UCN3: variants seen among roughly 807,000 people sequenced by gnomAD.
UCN3 encodes urocortin 3, also known as urocortin-3.
UCN3 carries 3 observed loss-of-function variants against 3.6 expected under a neutral mutation model. That is an observed-to-expected ratio of 0.83 (90% CI 0.38 to 2.15). The LOEUF is 2.15. Ranked by LOEUF, UCN3 falls within the 30% of genes most tolerant of loss-of-function variation. The probability of loss-of-function intolerance (pLI) is 0.06; values close to 1 mark genes in which losing one functional copy is unlikely to be tolerated. For synonymous variants in UCN3, 100 were observed against 93.2 expected (o/e 1.07, Z -0.42); for missense variants, 206 against 208.3 (o/e 0.99, Z 0.07).
At chr10:5,369,797 G>A (rs1247649458) in intron 1 of UCN3, among the ~76,000 whole-genome samples, 1 of 152,176 alleles carries the variant, frequency 6.6e-6, no homozygotes, top group Non-Finnish European at 1.5e-5. Flanking sequence ...CAGCTGCAAT[G>A]TGGAGAACCA....
rs1834109045 is a variant in UCN3 at position 5,365,584 on chromosome 10, T to TG, written c.-7+358dup. Reference sequence around the variant, plus strand: ...CTCGGAGACAGTTTACAAATGGGGATGGGGTAGGGATGCCGGGGCTAATGG... The same window carrying TG: ...CTCGGAGACAGTTTACAAATGGGGATGGGGGTAGGGATGCCGGGGCTAATGG... On this transcript the variant is annotated intron_variant, in intron 1 of 1. Coordinates refer to ENST00000380433, the MANE Select transcript of UCN3 (RefSeq NM_053049.4). The surrounding 1 kb of genome is among the most constrained non-coding windows in gnomAD (Gnocchi z 4.4). Among the ~76,000 whole-genome samples the TG allele has an allele frequency of 6.6e-6, 1 of 152,178 alleles. No individual in the cohort carries two copies. Among genetic ancestry groups the TG allele is most frequent in the Non-Finnish European group, 1.5e-5 (1 of 67,990 alleles).
At chr10:5,372,140 G>T (rs2119112041) in intron 1 of UCN3, among the ~76,000 whole-genome samples, 1 of 152,326 alleles carries the variant, frequency 6.6e-6, no homozygotes, top group East Asian at 1.9e-4. Flanking sequence ...GGACAACAAT[G>T]AATAAATAAA....
chr10:5,370,744 GTA>G lies in UCN3; in HGVS notation c.-6-2967_-6-2966del, dbSNP rs782238372. On this transcript the variant is annotated intron_variant, in intron 1 of 1. Coordinates refer to ENST00000380433, the MANE Select transcript of UCN3 (RefSeq NM_053049.4). Reference sequence around the variant, plus strand: ...TGTATATGCGTGTGTATATGTGTGTGTATATGATGTGTGTGTATATGCGTGTG... The same window carrying G: ...TGTATATGCGTGTGTATATGTGTGTGTATGATGTGTGTGTATATGCGTGTG... Among the ~76,000 whole-genome samples the G allele has an allele frequency of 9.7e-3, 1,172 of 120,256 alleles. 53 individuals carry two copies. The highest frequency in any genetic ancestry group is 0.013 in the Non-Finnish European group (800 of 60,450). 78.9% of individuals were successfully genotyped at this position (120,256 alleles called of 152,430 possible). A position where few individuals can be genotyped will look rare whatever the true frequency, so the allele number is the denominator to read the frequency against.
rs1292836901 is a variant in UCN3 at position 5,366,963 on chromosome 10, G to T, written c.-7+1733G>T. Among the ~76,000 whole-genome samples the T allele has an allele frequency of 6.6e-6, 1 of 152,124 alleles. No homozygotes were observed. The highest frequency in any genetic ancestry group is 2.4e-5 in the African/African-American group (1 of 41,414). ...TCCACACCTTCAGCACCCTAGCCGT[G>T]ATTACAGTATTCTTCTCTGATGGTA... On this transcript the variant is annotated intron_variant, in intron 1 of 1. Transcript: ENST00000380433. The surrounding 1 kb of genome is among the most constrained non-coding windows in gnomAD (Gnocchi z 4.2).
rs1456290021 is a variant in UCN3 at position 5,365,750 on chromosome 10, T to C, written c.-7+520T>C. ...TGTGAAGCAGGTAACGTCTCCTTCC[T>C]AGGACGCGGCAAGTGAAATGCAGGT... is the stretch of plus-strand genomic sequence containing the variant. On this transcript the variant is annotated intron_variant, in intron 1 of 1. Transcript: ENST00000380433. The surrounding 1 kb of genome is among the most constrained non-coding windows in gnomAD (Gnocchi z 4.4). 6.6e-6 allele frequency among the ~76,000 whole-genome samples: 1 copy of C among 152,144 alleles called. No individual in the cohort carries two copies. The highest frequency in any genetic ancestry group is 1.5e-5 in the Non-Finnish European group (1 of 68,030).
In UCN3 at chr10:5,365,197, G is replaced by C. The variant is rs1192788928; in HGVS notation, c.-40G>C. On this transcript the variant is annotated 5_prime_UTR_variant, in exon 1 of 2. The change abolishes the stop of an existing upstream ORF in the 5' untranslated region. Transcript: ENST00000380433. This position sits in a 1 kb window ranked among gnomAD's most constrained non-coding sequence, Gnocchi z 4.4. ...GCCCTGAAGCTGCGCCGGCCTCCCTGAGCGTTTCGCTGCGGAGGGAAGTCC... is the reference window on the plus strand; with the variant it reads ...GCCCTGAAGCTGCGCCGGCCTCCCTCAGCGTTTCGCTGCGGAGGGAAGTCC... 6.6e-6 allele frequency: 1 copy of C among 152,396 alleles called. No homozygotes were observed. Among genetic ancestry groups the C allele is most frequent in the Non-Finnish European group, 1.5e-5 (1 of 68,164 alleles). The allele number at this position is 152,396 out of a possible 1,614,324, so 9.4% of individuals were successfully genotyped here.
At chr10:5,370,591 GTGTGTGTGT>G (rs1831377488) in intron 1 of UCN3, among the ~76,000 whole-genome samples, 1 of 97,398 alleles carries the variant, frequency 1.0e-5, no homozygotes, top group Admixed American at 1.2e-4. Flanking sequence ...GTGTGTATAT[GTGTGTGTGT>G]ATGCGTGTGT....
At chr10:5,370,761 ATATGCGTGTGTATATGCGTGTGTGTGTG>A (rs1831393396) in intron 1 of UCN3, among the ~76,000 whole-genome samples, 6 of 114,576 alleles carry the variant, frequency 5.2e-5, no homozygotes, top group Non-Finnish European at 1.0e-4. Flanking sequence ...ATGTGTGTGT[ATATGCGTGTGTATATGCGTGTGTGTGTG>A]TATGCGTGTG....
Position 5,370,761 on chromosome 10 carries a change from A to G in UCN3, c.-6-2954A>G, listed in dbSNP as rs1210915448. Reference sequence around the variant, plus strand: ...ATGTGTGTGTATATGATGTGTGTGTATATGCGTGTGTATATGCGTGTGTGT... The same window carrying G: ...ATGTGTGTGTATATGATGTGTGTGTGTATGCGTGTGTATATGCGTGTGTGT... On this transcript the variant is annotated intron_variant, in intron 1 of 1. Transcript: ENST00000380433. Among the ~76,000 whole-genome samples, 9 of 114,664 alleles carry G rather than the reference A, an allele frequency of 7.8e-5. No individual in the cohort carries two copies. In the South Asian group the frequency reaches 1.0e-3, roughly 13 times the overall value. 75.2% of individuals were successfully genotyped at this position (114,664 alleles called of 152,430 possible). A position where few individuals can be genotyped will look rare whatever the true frequency, so the allele number is the denominator to read the frequency against.
rs1440167129 is a variant in UCN3, at chr10:5,366,662, C to T, written c.-7+1432C>T. Among the ~76,000 whole-genome samples the T allele has an allele frequency of 6.6e-6, 1 of 152,170 alleles. No homozygotes were observed. The highest frequency in any genetic ancestry group is 1.5e-5 in the Non-Finnish European group (1 of 68,030). On this transcript the variant is annotated intron_variant, in intron 1 of 1. Coordinates refer to ENST00000380433, the MANE Select transcript of UCN3 (RefSeq NM_053049.4). This position sits in a 1 kb window ranked among gnomAD's most constrained non-coding sequence, Gnocchi z 4.2. ...CACTCACACACTTTGATGGTGAAAC[C>T]ATCCAGGGTTGCAAAGAACCCTTAC...
At chr10:5,368,810 T>A (rs1271838037) in intron 1 of UCN3, among the ~76,000 whole-genome samples, 9 of 152,152 alleles carry the variant, frequency 5.9e-5, no homozygotes, top group Admixed American at 3.3e-4. Flanking sequence ...GCCTATTGAA[T>A]GCAACATTTA....
Position 5,374,487 on chromosome 10 carries a change from T to C in UCN3, c.*281T>C, listed in dbSNP as rs192112319. 407 of 344,984 alleles carry C rather than the reference T, an allele frequency of 1.2e-3. 5 individuals are homozygous for C. The highest frequency in any genetic ancestry group is 8.1e-3 in the African/African-American group (387 of 48,052). The allele number at this position is 344,984 out of a possible 1,614,324, so 21.4% of individuals were successfully genotyped here. A position where few individuals can be genotyped will look rare whatever the true frequency, so the allele number is the denominator to read the frequency against. On this transcript the variant is annotated 3_prime_UTR_variant, in exon 2 of 2. Transcript: ENST00000380433. The stretch of plus-strand genomic sequence containing the variant: ...CTCCCTGTACTCAGCGTCTCCTTCC[T>C]CCCTCCCCACAGCAAGAGGCAAAGT...
Position 5,369,988 on chromosome 10 carries a change from T to TGC in UCN3, c.-6-3726_-6-3725insCG, listed in dbSNP as rs1436451354. Among the ~76,000 whole-genome samples the TGC allele has an allele frequency of 1.8e-3, 102 of 55,376 alleles. 4 individuals are homozygous for TGC. Among genetic ancestry groups the TGC allele is most frequent in the African/African-American group, 4.9e-3 (66 of 13,446 alleles). The allele number at this position is 55,376 out of a possible 152,430, so 36.3% of individuals were successfully genotyped here. A position where few individuals can be genotyped will look rare whatever the true frequency, so the allele number is the denominator to read the frequency against. ...ATGCGTGTGTATATGCGTGTGTATA[T>TGC]GTGTGTATGTGTGTGTGTATGTGTG... On this transcript the variant is annotated intron_variant, in intron 1 of 1. Coordinates refer to ENST00000380433, the MANE Select transcript of UCN3 (RefSeq NM_053049.4).
At position 5,374,270 on chromosome 10, in the gene UCN3, A is replaced by AGGGGGGGGGGGGAGGGCGAG. The variant is rs1279098112; in HGVS notation, c.*71_*72insGGGGGAGGGCGAGGGGGGGG. On this transcript the variant is annotated 3_prime_UTR_variant, in exon 2 of 2. Transcript: ENST00000380433. ...GGGAGGGGAGGGGGAGGGGAGGGCG[A>AGGGGGGGGGGGGAGGGCGAG]GGGGGGGAGGGGAGGGGGAGGGTGC... The AGGGGGGGGGGGGAGGGCGAG allele has an allele frequency of 7.0e-5, 1 of 14,372 alleles. No homozygotes were observed. Among genetic ancestry groups the AGGGGGGGGGGGGAGGGCGAG allele is most frequent in the African/African-American group, 4.7e-4 (1 of 2,134 alleles). The allele number at this position is 14,372 out of a possible 1,614,324, so 0.9% of individuals were successfully genotyped here. A position where few individuals can be genotyped will look rare whatever the true frequency, so the allele number is the denominator to read the frequency against.
In UCN3 at chr10:5,370,378, C is replaced by CGTGTATATGTGTGTGTATGTGT. The variant is rs1831359356; in HGVS notation, c.-6-3328_-6-3327insTGTGTGTATGTGTGTGTATATG. Among the ~76,000 whole-genome samples, 12 of 6,768 alleles carry CGTGTATATGTGTGTGTATGTGT rather than the reference C, an allele frequency of 1.8e-3. 3 individuals are homozygous for CGTGTATATGTGTGTGTATGTGT. The highest frequency in any genetic ancestry group is 2.9e-3 in the Non-Finnish European group (12 of 4,178). The allele number at this position is 6,768 out of a possible 152,430, so 4.4% of individuals were successfully genotyped here. ...GTGTGTGTATATGCGTGTGTATATG[C>CGTGTATATGTGTGTGTATGTGT]GTGTATATGCGTGTGTATATGTGTG... On this transcript the variant is annotated intron_variant, in intron 1 of 1. Coordinates refer to ENST00000380433, the MANE Select transcript of UCN3 (RefSeq NM_053049.4).
rs1157631507 is a variant in UCN3, at chr10:5,365,102, C to G, written c.-135C>G. ...ATCACAGCCCACTTAGGAACAATAC[C>G]GGAGAAGCAGGAGCCGAGACCCCGG... On this transcript the variant is annotated 5_prime_UTR_variant, in exon 1 of 2. Coordinates refer to ENST00000380433, the MANE Select transcript of UCN3 (RefSeq NM_053049.4). This position sits in a 1 kb window ranked among gnomAD's most constrained non-coding sequence, Gnocchi z 4.4. The G allele has an allele frequency of 6.6e-6, 1 of 152,358 alleles. No individual in the cohort carries two copies. The highest frequency in any genetic ancestry group is 3.1e-3 in the Middle Eastern group (1 of 318). 9.4% of individuals were successfully genotyped at this position (152,358 alleles called of 1,614,324 possible).
chr10:5,370,337 A>ATATGCGTGTG (rs1831356171), intron 1 of UCN3, among the ~76,000 whole-genome samples: 4 of 47,798 alleles, frequency 8.4e-5, no homozygotes, highest in Admixed American at 2.3e-4. Context: ...ATGCGTGTGT[A>ATATGCGTGTG]TATGCGTGTG....
chr10:5,369,049 G>A (rs1831294590), intron 1 of UCN3, among the ~76,000 whole-genome samples: 1 of 152,206 alleles, frequency 6.6e-6, no homozygotes, highest in African/African-American at 2.4e-5. Flanking sequence ...CCCGCAGGCT[G>A]TGTTTGAACC....
Position 5,366,811 on chromosome 10 carries a change from A to G in UCN3, c.-7+1581A>G, listed in dbSNP as rs1215020809. 6.6e-6 allele frequency among the ~76,000 whole-genome samples: 1 copy of G among 152,162 alleles called. No individual in the cohort carries two copies. Among genetic ancestry groups the G allele is most frequent in the Non-Finnish European group, 1.5e-5 (1 of 68,024 alleles). On this transcript the variant is annotated intron_variant, in intron 1 of 1. Coordinates refer to ENST00000380433, the MANE Select transcript of UCN3 (RefSeq NM_053049.4). This position sits in a 1 kb window ranked among gnomAD's most constrained non-coding sequence, Gnocchi z 4.2. The stretch of plus-strand genomic sequence containing the variant: ...GCTGATGGTAAGGGGACACCTTTCA[A>G]TACCCTCACAACCGTGTGCAGGCTA...
Sources: allele counts gnomAD v4.1 joint callset (sites outside exome capture counted in the v4.1 genomes callset), GRCh38; gene constraint gnomAD v4.1.1; non-coding constraint Gnocchi (gnomAD v3.1); transcripts MANE v1.5; gene names NCBI Gene and HGNC (gene_info 2026-07-23, HGNC 2026-07-21).